ATP8B1: variants seen among roughly 807,000 people sequenced by gnomAD.
ATP8B1 encodes the protein phospholipid-transporting ATPase IC.
Under a neutral mutation model 149.9 loss-of-function variants are expected in ATP8B1, and 80 were observed. The ratio of observed to expected loss-of-function variants is 0.53; its 90% CI spans 0.45 to 0.64. The LOEUF (loss-of-function observed/expected upper bound fraction) is 0.64. ATP8B1 is among the 30% of genes least tolerant of loss of function. The pLI, the probability that ATP8B1 is intolerant of heterozygous loss-of-function variation, is 0.00. For synonymous variants in ATP8B1, 536 were observed against 562.8 expected, an observed-to-expected ratio of 0.95 and a Z score of 0.67; for missense variants, 1,247 against 1,552.6, an observed-to-expected ratio of 0.80 and a Z score of 3.31.
chr18:57,732,363 A>G (rs577796404), intron 1 of ATP8B1, among the ~76,000 whole-genome samples: 2 of 132,586 alleles, frequency 1.5e-5, no homozygotes, highest in Non-Finnish European at 3.3e-5. Context: ...GTGTATATAT[A>G]TGTATATATA....
intron 12 of ATP8B1, among the ~76,000 whole-genome samples, chr18:57,689,577 C>T: frequency 6.6e-6 from 1 of 152,168 alleles, no homozygotes; most frequent in East Asian, 1.9e-4. Flanking sequence ...TAAGTGCCTA[C>T]TATGTACCAG....
At chr18:57,655,105 A>G (rs1909900651) in intron 23 of ATP8B1, 89 bp downstream of exon 23, 3 of 1,245,384 alleles carry the variant, frequency 2.4e-6, no homozygotes, top group East Asian at 2.5e-5. Context: ...CTACAAATAT[A>G]GAAGAAATAA....
chr18:57,764,136 A>G (rs751303823), intron 1 of ATP8B1, among the ~76,000 whole-genome samples: 32 of 152,136 alleles, frequency 2.1e-4, no homozygotes, highest in African/African-American at 7.0e-4. Context: ...TTTTGTCCCA[A>G]TCACCTTCCC....
At chr18:57,662,017 T>C (rs1415863378) in intron 21 of ATP8B1, among the ~76,000 whole-genome samples, 1 of 151,774 alleles carries the variant, frequency 6.6e-6, no homozygotes, top group Non-Finnish European at 1.5e-5. Context: ...TGTGCTCAGC[T>C]ATATATATAT....
intron 1 of ATP8B1, among the ~76,000 whole-genome samples, chr18:57,795,308 C>T (rs1022243378): frequency 1.7e-4 from 26 of 151,608 alleles, no homozygotes; most frequent in African/African-American, 5.1e-4. Flanking sequence ...GAGGCTGAAG[C>T]GGGAGGATGG....
At chr18:57,709,311 G>A (rs1484649515) in intron 2 of ATP8B1, among the ~76,000 whole-genome samples, 1 of 152,174 alleles carries the variant, frequency 6.6e-6, no homozygotes, top group Non-Finnish European at 1.5e-5. Context: ...TGGAAGTTCG[G>A]TGGATTTGCT....
intron 20 of ATP8B1, among the ~76,000 whole-genome samples, chr18:57,664,681 C>T (rs1482793077): frequency 6.6e-6 from 1 of 152,076 alleles, no homozygotes. Context: ...GACAAGGCTA[C>T]GTGTAACACT....
chr18:57,648,590 CGCGTAGCCCCGCTGGTGCGAGAAG>C lies in ATP8B1; in HGVS notation c.3630_3653del (p.Phe1211_Ala1218del), dbSNP rs1352211719. ...TGCTGCGCCCGGAGGAGATGAGGTC[CGCGTAGCCCCGCTGGTGCGAGAAG>C]GCGTAGGCCGAGCGCCGCGTTGACA... On this transcript the variant is annotated inframe_deletion, in exon 28 of 28. Coordinates refer to ENST00000648908, the MANE Select transcript of ATP8B1 (RefSeq NM_001374385.1). 1 of 1,611,084 alleles carries C rather than the reference CGCGTAGCCCCGCTGGTGCGAGAAG, an allele frequency of 6.2e-7. No individual in the cohort carries two copies. Among genetic ancestry groups the C allele is most frequent in the African/African-American group, 1.3e-5 (1 of 74,870 alleles).
At chr18:57,661,036 T>G in intron 22 of ATP8B1, 138 bp downstream of exon 22, 1 of 1,214,796 alleles carries the variant, frequency 8.2e-7, no homozygotes, top group African/African-American at 1.5e-5. Context: ...TTGTCATGGT[T>G]AAGTGACTTT....
chr18:57,758,878 C>T (rs1408781494), intron 1 of ATP8B1, among the ~76,000 whole-genome samples: 3 of 151,974 alleles, frequency 2.0e-5, no homozygotes, highest in Admixed American at 2.0e-4. Flanking sequence ...AATCCATAGG[C>T]CGGGCATGGT....
intron 1 of ATP8B1, among the ~76,000 whole-genome samples, chr18:57,799,307 T>C (rs980820683): frequency 2.0e-5 from 3 of 152,222 alleles, no homozygotes; most frequent in Non-Finnish European, 4.4e-5. Context: ...ATATTTCTCA[T>C]TGTGGAAGGG....
intron 1 of ATP8B1, among the ~76,000 whole-genome samples, chr18:57,738,522 G>A (rs2079881004): frequency 6.6e-6 from 1 of 152,118 alleles, no homozygotes; most frequent in African/African-American, 2.4e-5. Context: ...CTATTCGGGA[G>A]GCTGAGGCAG....
intron 21 of ATP8B1, among the ~76,000 whole-genome samples, 163 bp from the exon 22 acceptor site, chr18:57,661,625 G>C (rs1252821742): frequency 6.9e-6 from 1 of 144,760 alleles, no homozygotes; most frequent in Non-Finnish European, 1.5e-5. Context: ...ATATATGTGT[G>C]CGTGTGTATG....
intron 17 of ATP8B1, 59 bp downstream of exon 17, chr18:57,671,409 A>T (rs528037932): frequency 1.5e-6 from 2 of 1,378,298 alleles, no homozygotes; most frequent in South Asian, 2.3e-5. Context: ...CAAACTTAAC[A>T]GACAGCATCA....
Position 57,671,474 on chromosome 18 carries a change from G to A in ATP8B1, c.1926C>T (p.Ala642=), listed in dbSNP as rs1304580298. Reference sequence around the variant, plus strand: ...GAATAAAAGTGAAACTTACATCCAGGGCATCCTGTGTTTCTTGCTTAGTAG... The same window carrying A: ...GAATAAAAGTGAAACTTACATCCAGAGCATCCTGTGTTTCTTGCTTAGTAG... ...MNPTKQETQD[A]LDIFANETLR... The change falls in exon 17 of 28, where the codon GCC becomes GCT. Residue 642 remains alanine (A), a synonymous_variant. Transcript: ENST00000648908. 6 of 1,608,934 alleles carry A rather than the reference G, an allele frequency of 3.7e-6. No individual in the cohort carries two copies. In the South Asian group the frequency reaches 6.6e-5, roughly 18 times the overall value.
In ATP8B1 at chr18:57,648,382, A is replaced by G. The variant is rs895374409; in HGVS notation, c.*106T>C. The G allele has an allele frequency of 8.7e-6, 11 of 1,262,784 alleles. No homozygotes were observed. The highest frequency in any genetic ancestry group is 2.9e-5 in the African/African-American group (2 of 67,906). The allele number at this position is 1,262,784 out of a possible 1,614,324, so 78.2% of individuals were successfully genotyped here. On this transcript the variant is annotated 3_prime_UTR_variant, in exon 28 of 28. Transcript: ENST00000648908. ...TTATAAAGATTATTTATTGTCTTCA[A>G]TATCTTTGTGATGAATGCAATTCAC... is the stretch of plus-strand genomic sequence containing the variant.
intron 1 of ATP8B1, among the ~76,000 whole-genome samples, chr18:57,752,230 A>ATAATAATAATAT (rs1280981572): frequency 6.7e-6 from 1 of 148,186 alleles, no homozygotes; most frequent in South Asian, 2.1e-4. Flanking sequence ...AATAATGATA[A>ATAATAATAATAT]TAATAATAAT....
At chr18:57,734,649 G>T (rs2079827957) in intron 1 of ATP8B1, among the ~76,000 whole-genome samples, 1 of 152,076 alleles carries the variant, frequency 6.6e-6, no homozygotes, top group Admixed American at 6.5e-5. Flanking sequence ...GCATGATGCT[G>T]TACTGTGGCA....
intron 1 of ATP8B1, among the ~76,000 whole-genome samples, chr18:57,801,244 T>C (rs931299859): frequency 1.3e-5 from 2 of 152,078 alleles, no homozygotes; most frequent in African/African-American, 4.8e-5. Context: ...ACGCAAAGAA[T>C]CACTAAAAGT....
Sources: gnomAD v4.1 joint callset for allele counts (sites outside exome capture counted in the v4.1 genomes callset) on GRCh38, gnomAD v4.1.1 for gene constraint, MANE v1.5 for transcripts, NCBI Gene and HGNC (gene_info 2026-07-23, HGNC 2026-07-21) for gene names.